The following PKD1L1 variants were observed in gnomAD, a reference collection of about 807,000 sequenced individuals.
PKD1L1 encodes polycystin-1-like protein 1.
PKD1L1 carries 236 observed loss-of-function variants against 323.4 expected under a neutral mutation model. That is an observed-to-expected ratio of 0.73 (90% CI 0.66 to 0.81). The LOEUF (loss-of-function observed/expected upper bound fraction) is 0.81, where lower values mean the gene tolerates loss of function less well. PKD1L1 is among the 40% of genes least tolerant of loss of function. The pLI, the probability that PKD1L1 is intolerant of heterozygous loss-of-function variation, is 0.00. For synonymous variants in PKD1L1, 1,344 were observed against 1,335.0 expected, an observed-to-expected ratio of 1.01 and a Z score of -0.15; for missense variants, 3,320 against 3,508.0, an observed-to-expected ratio of 0.95 and a Z score of 1.35.
rs2128755163 is a variant in PKD1L1, at chr7:47,929,225, C to T, written c.1039G>A (p.Ala347Thr). The change falls in exon 7 of 57, where the codon GCC becomes ACC. Residue 347 changes from alanine to threonine, a missense_variant. Transcript: ENST00000289672. ...HNMSEAMAVT[A>T]YHQYSKGIFF... ...TTACCTTTTGAGTACTGGTGGTAGGCAGTCACCGCCATTGCCTCAGACATG... is the reference window on the plus strand; with the variant it reads ...TTACCTTTTGAGTACTGGTGGTAGGTAGTCACCGCCATTGCCTCAGACATG... 1 of 1,614,096 alleles carries T rather than the reference C, an allele frequency of 6.2e-7. No homozygotes were observed. The highest frequency in any genetic ancestry group is 1.3e-5 in the African/African-American group (1 of 75,040).
intron 7 of PKD1L1, among the ~76,000 whole-genome samples, chr7:47,927,618 T>A (rs1035367195): frequency 6.6e-6 from 1 of 152,190 alleles, no homozygotes; most frequent in Non-Finnish European, 1.5e-5. Context: ...TAGATGGAAC[T>A]GTGAAAGTGC....
At position 47,885,885 on chromosome 7, in the gene PKD1L1, A is replaced by C. The variant is rs1424573383; in HGVS notation, c.3006T>G (p.Thr1002=). 6.2e-7 allele frequency: 1 copy of C among 1,614,186 alleles called. No individual in the cohort carries two copies. ...PSPVTLGQPA[T]SAPRGTPTEP... The stretch of plus-strand genomic sequence containing the variant: ...CTGTGGGGGTTCCCCTTGGAGCTGA[A>C]GTGGCAGGTTGGCCAAGGGTCACGG... Residue 1002 remains threonine (T), a synonymous_variant, in exon 18 of 57, where the codon ACT becomes ACG. Transcript: ENST00000289672.
chr7:47,774,974 A>T lies in PKD1L1; in HGVS notation c.*169T>A. On this transcript the variant is annotated 3_prime_UTR_variant, in exon 57 of 57. Coordinates refer to ENST00000289672, the MANE Select transcript of PKD1L1 (RefSeq NM_138295.5). ...ACAGTCTGATGACAGATAAACCTTG[A>T]TTTTCATCCTGGTTTCCCATTTACT... 1 of 709,708 alleles carries T rather than the reference A, an allele frequency of 1.4e-6. No individual in the cohort carries two copies. Among genetic ancestry groups the T allele is most frequent in the East Asian group, 2.5e-5 (1 of 39,226 alleles). The allele number at this position is 709,708 out of a possible 1,614,324, so 44.0% of individuals were successfully genotyped here.
At chr7:47,806,562 C>G (rs768573639) in intron 52 of PKD1L1, among the ~76,000 whole-genome samples, 1 of 152,222 alleles carries the variant, frequency 6.6e-6, no homozygotes, top group Admixed American at 6.5e-5. Flanking sequence ...TCATCGGGCC[C>G]TAATATTGGT....
chr7:47,847,743 T>A (rs941623063), intron 31 of PKD1L1, among the ~76,000 whole-genome samples: 5 of 151,906 alleles, frequency 3.3e-5, no homozygotes, highest in Admixed American at 3.3e-4. Flanking sequence ...TATCTAAATA[T>A]GAAAGAAAAA....
intron 54 of PKD1L1, among the ~76,000 whole-genome samples, chr7:47,797,971 A>T (rs2128725086): frequency 6.6e-6 from 1 of 152,354 alleles, no homozygotes; most frequent in South Asian, 2.1e-4. Flanking sequence ...GAAATACAGA[A>T]TTCTAGGATC....
At position 47,792,616 on chromosome 7, in the gene PKD1L1, C is replaced by T; in HGVS notation, c.8526+11G>A. Reference sequence around the variant, plus strand: ...AAGAAAATTGACATAAATAATTTTGCATGGTCTTACCTCAGCAGCTTGGTA... The same window carrying T: ...AAGAAAATTGACATAAATAATTTTGTATGGTCTTACCTCAGCAGCTTGGTA... On this transcript the variant is annotated intron_variant, in intron 56 of 56. Transcript: ENST00000289672. The T allele has an allele frequency of 6.4e-7, 1 of 1,573,564 alleles. No homozygotes were observed. The highest frequency in any genetic ancestry group is 8.6e-7 in the Non-Finnish European group (1 of 1,158,300).
At position 47,866,506 on chromosome 7, in the gene PKD1L1, CT is replaced by C. The variant is rs1375804160; in HGVS notation, c.4004del (p.Lys1335ArgfsTer18). Reference protein sequence around the residue: ...VITRILSRLSKEDKTASCNQW... With the variant: ...VITRILSRLSXEDKTASCNQW... ...GGTTGCAGGAGGCAGTTTTGTCCTC[CT>C]TAGACAAACGACTCAGGATTCTGGT... On this transcript the variant is annotated frameshift_variant, in exon 25 of 57. Transcript: ENST00000289672. LOFTEE classifies it high-confidence loss of function. The C allele has an allele frequency of 6.2e-7, 1 of 1,613,486 alleles. No homozygotes were observed. Among genetic ancestry groups the C allele is most frequent in the African/African-American group, 1.3e-5 (1 of 74,906 alleles).
At position 47,892,460 on chromosome 7, in the gene PKD1L1, T is replaced by C. The variant is rs770854866; in HGVS notation, c.2453+1418A>G. ...CATCCTCACTGGCACTGTGAGGACG[T>C]TGGCTTTTACTCTTGAGTAAAAAGG... is the stretch of plus-strand genomic sequence containing the variant. On this transcript the variant is annotated intron_variant, in intron 15 of 56. Transcript: ENST00000289672. Among the ~76,000 whole-genome samples, 4 of 152,102 alleles carry C rather than the reference T, an allele frequency of 2.6e-5. No individual in the cohort carries two copies. In the South Asian group the frequency reaches 8.3e-4, roughly 32 times the overall value.
rs147987674 is a variant in PKD1L1 at position 47,788,213 on chromosome 7, A to G, written c.8526+4414T>C. Among the ~76,000 whole-genome samples, 269 of 152,000 alleles carry G rather than the reference A, an allele frequency of 1.8e-3. 5 individuals carry two copies. Among genetic ancestry groups the G allele is most frequent in the African/African-American group, 6.4e-3 (264 of 41,556 alleles). On this transcript the variant is annotated intron_variant, in intron 56 of 56. Coordinates refer to ENST00000289672, the MANE Select transcript of PKD1L1 (RefSeq NM_138295.5). ...AATTTTATCAAATGCAGCCATGGAA[A>G]AAATAAAATGATAGCTTCCTCCCTG...
intron 54 of PKD1L1, among the ~76,000 whole-genome samples, chr7:47,798,511 A>G (rs1037768801): frequency 6.6e-6 from 1 of 152,196 alleles, no homozygotes; most frequent in African/African-American, 2.4e-5. Flanking sequence ...TAATCCCAGC[A>G]CTTTGGGAGG....
chr7:47,924,352 A>C (rs1787616615), intron 7 of PKD1L1, among the ~76,000 whole-genome samples: 1 of 152,196 alleles, frequency 6.6e-6, no homozygotes, highest in Non-Finnish European at 1.5e-5. Flanking sequence ...CAGGGATGTG[A>C]GGGGGTAGTC....
intron 32 of PKD1L1, 94 bp downstream of exon 32, chr7:47,846,785 A>C: frequency 8.8e-7 from 1 of 1,142,708 alleles, no homozygotes; most frequent in Non-Finnish European, 1.2e-6. Context: ...CTTATGGACA[A>C]GGTTCAGGAA....
At chr7:47,882,577 C>G (rs1429044818) in intron 19 of PKD1L1, among the ~76,000 whole-genome samples, 2 of 151,390 alleles carry the variant, frequency 1.3e-5, no homozygotes, top group African/African-American at 2.4e-5. Context: ...GAGGTCCTCT[C>G]TGAAGACTAA....
intron 42 of PKD1L1, among the ~76,000 whole-genome samples, chr7:47,830,809 A>G (rs534861630): frequency 2.6e-5 from 4 of 152,316 alleles, no homozygotes; most frequent in African/African-American, 9.6e-5. Context: ...AGAATCTGTG[A>G]CACATGCATC....
rs746446065 is a variant in PKD1L1, at chr7:47,880,805, C to T, written c.3443G>A (p.Gly1148Asp). The stretch of plus-strand genomic sequence containing the variant: ...GATTGTCACTGTCTGTTCTGTAATA[C>T]CTGCAGAAAAGACATGGCTGCATGG... ...RAVFQGYSSS[G>D]ITEQTVTIKP... Residue 1148 changes from glycine (G) to aspartate (D), a missense_variant and splice_region_variant, in exon 21 of 57, where the codon GGT becomes GAT. Gly to Asp is a moderately conservative substitution (Grantham distance 94). Coordinates refer to ENST00000289672, the MANE Select transcript of PKD1L1 (RefSeq NM_138295.5). The T allele has an allele frequency of 2.5e-6, 4 of 1,599,408 alleles. No individual in the cohort carries two copies. Among genetic ancestry groups the T allele is most frequent in the Non-Finnish European group, 3.4e-6 (4 of 1,171,082 alleles).
intron 15 of PKD1L1, among the ~76,000 whole-genome samples, chr7:47,892,556 G>C (rs529025826): frequency 6.6e-6 from 1 of 152,260 alleles, no homozygotes; most frequent in East Asian, 1.9e-4. Context: ...CCAAAAGGAG[G>C]GAGGTTGGGA....
chr7:47,891,601 A>T (rs1786819693), intron 15 of PKD1L1, among the ~76,000 whole-genome samples: 2 of 152,184 alleles, frequency 1.3e-5, no homozygotes, highest in Non-Finnish European at 2.9e-5. Context: ...CTGTTTCCAG[A>T]GCCTGCATAA....
At chr7:47,855,495 A>C (rs1311398779) in intron 28 of PKD1L1, among the ~76,000 whole-genome samples, 1 of 152,216 alleles carries the variant, frequency 6.6e-6, no homozygotes, top group East Asian at 1.9e-4. Context: ...ATAATTTCTA[A>C]AGTATTTTGA....
Sources: gnomAD v4.1 joint callset for allele counts (sites outside exome capture counted in the v4.1 genomes callset) on GRCh38, gnomAD v4.1.1 for gene constraint, MANE v1.5 for transcripts, NCBI Gene and HGNC (gene_info 2026-07-23, HGNC 2026-07-21) for gene names.